CNTLN: variants seen among roughly 807,000 people sequenced by gnomAD.
CNTLN encodes the protein centlein, also known as centlein, centrosomal protein.
CNTLN carries 212 observed loss-of-function variants against 180.0 expected under a neutral mutation model. The ratio of observed to expected loss-of-function variants is 1.18; its 90% CI spans 1.05 to 1.32. The LOEUF (loss-of-function observed/expected upper bound fraction) is 1.32, where lower values mean the gene tolerates loss of function less well. Among genes scored for constraint, CNTLN ranks in the 40% most tolerant of loss-of-function variants. CNTLN has a pLI of 0.00. For synonymous variants in CNTLN, 722 were observed against 563.1 expected (o/e 1.28, Z -3.99); for missense variants, 2,095 against 1,610.9 (o/e 1.30, Z -5.14).
At chr9:17,184,059 A>G (rs77971874) in intron 2 of CNTLN, among the ~76,000 whole-genome samples, 3,214 of 152,224 alleles carry the variant, frequency 0.021, 113 homozygotes, top group African/African-American at 0.073. Flanking sequence ...TTATGATAGC[A>G]TATGAGAAGC....
intron 16 of CNTLN, among the ~76,000 whole-genome samples, chr9:17,415,326 T>A (rs1828144183): frequency 6.6e-6 from 1 of 152,148 alleles, no homozygotes; most frequent in Non-Finnish European, 1.5e-5. Flanking sequence ...AATAGAGTAT[T>A]TGAGAAAAGG....
At chr9:17,498,640 C>G (rs1833582725) in intron 25 of CNTLN, among the ~76,000 whole-genome samples, 1 of 152,186 alleles carries the variant, frequency 6.6e-6, no homozygotes, top group Non-Finnish European at 1.5e-5. Context: ...CCATTTTTCT[C>G]TTTATGCTAA....
chr9:17,294,017 A>G (rs1268271360), intron 6 of CNTLN, among the ~76,000 whole-genome samples: 1 of 152,132 alleles, frequency 6.6e-6, no homozygotes, highest in Non-Finnish European at 1.5e-5. Context: ...TGAGTGTTAC[A>G]GTTCTTAAAA....
At chr9:17,246,238 T>C (rs931112869) in intron 5 of CNTLN, among the ~76,000 whole-genome samples, 1 of 152,150 alleles carries the variant, frequency 6.6e-6, no homozygotes, top group Admixed American at 6.6e-5. Context: ...CTTTGGTCAT[T>C]GTAGCCTTAT....
chr9:17,492,247 T>G (rs1485585588), intron 25 of CNTLN, among the ~76,000 whole-genome samples: 1 of 151,848 alleles, frequency 6.6e-6, no homozygotes, highest in Non-Finnish European at 1.5e-5. Context: ...ACAATATCAG[T>G]TTTTTCTTGT....
intron 12 of CNTLN, among the ~76,000 whole-genome samples, chr9:17,346,930 C>G (rs1393014177): frequency 6.6e-6 from 1 of 152,144 alleles, no homozygotes; most frequent in Non-Finnish European, 1.5e-5. Context: ...CTAATTTTGT[C>G]TCTGTTATTC....
At chr9:17,192,435 C>G (rs561738031) in intron 2 of CNTLN, among the ~76,000 whole-genome samples, 11 of 152,052 alleles carry the variant, frequency 7.2e-5, no homozygotes, top group Admixed American at 2.0e-4. Flanking sequence ...GATGGGGTTT[C>G]ACCACATTGG....
At chr9:17,354,129 G>A (rs1388190891) in intron 12 of CNTLN, among the ~76,000 whole-genome samples, 9 of 152,206 alleles carry the variant, frequency 5.9e-5, no homozygotes, top group Non-Finnish European at 8.8e-5. Context: ...CCAGCCCACC[G>A]GCGCTGCGCT....
At chr9:17,260,705 A>T (rs1205173295) in intron 5 of CNTLN, among the ~76,000 whole-genome samples, 1 of 151,314 alleles carries the variant, frequency 6.6e-6, no homozygotes, top group African/African-American at 2.5e-5. Context: ...ATTAGATCCC[A>T]TTTGTCAATT....
chr9:17,257,279 A>G (rs543232112), intron 5 of CNTLN, among the ~76,000 whole-genome samples: 36 of 152,178 alleles, frequency 2.4e-4, no homozygotes, highest in African/African-American at 8.4e-4. Flanking sequence ...TTCCAATGTC[A>G]TCCATGTCCC....
chr9:17,456,586 G>A lies in CNTLN; in HGVS notation c.3115-938G>A, dbSNP rs73414444. 8.1e-3 allele frequency among the ~76,000 whole-genome samples: 1,225 copies of A among 152,064 alleles called. 13 individuals are homozygous for A. The highest frequency in any genetic ancestry group is 0.027 in the African/African-American group (1,141 of 41,506). ...TAACATGTTTCATGTTTATCTTACT[G>A]TACACTTTAGCTACATCTTTTGCTA... On this transcript the variant is annotated intron_variant, in intron 18 of 25. Transcript: ENST00000380647.
intron 7 of CNTLN, among the ~76,000 whole-genome samples, chr9:17,306,828 A>G (rs1015461448): frequency 6.6e-6 from 1 of 152,152 alleles, no homozygotes; most frequent in Non-Finnish European, 1.5e-5. Flanking sequence ...AGTGTAAATA[A>G]TGCACCCGAG....
Position 17,180,232 on chromosome 9 carries a change from T to C in CNTLN, c.449+36856T>C, listed in dbSNP as rs562991579. Among the ~76,000 whole-genome samples, 25 of 149,752 alleles carry C rather than the reference T, an allele frequency of 1.7e-4. No individual in the cohort carries two copies. The South Asian group carries it at 5.2e-3, about 31-fold the overall frequency. ...TTTTCTGTTTGCTATCTCTGTTTTT[T>C]TTTTTTTCCTGCCTTCCTGTTGGCT... is the stretch of plus-strand genomic sequence containing the variant. On this transcript the variant is annotated intron_variant, in intron 2 of 25. Coordinates refer to ENST00000380647, the MANE Select transcript of CNTLN (RefSeq NM_017738.4).
intron 16 of CNTLN, among the ~76,000 whole-genome samples, chr9:17,412,675 G>T (rs539790029): frequency 5.9e-5 from 9 of 152,240 alleles, no homozygotes; most frequent in African/African-American, 1.9e-4. Flanking sequence ...GAGTAGGCTA[G>T]GCTAAGCTAT....
At chr9:17,304,977 C>G (rs571563320) in intron 7 of CNTLN, among the ~76,000 whole-genome samples, 2 of 152,162 alleles carry the variant, frequency 1.3e-5, no homozygotes, top group Non-Finnish European at 2.9e-5. Flanking sequence ...AGTATATTTA[C>G]TAGATTTGGA....
rs2134435008 is a variant in CNTLN, at chr9:17,503,156, T to A, written c.*504T>A. The A allele has an allele frequency of 6.6e-6, 1 of 152,454 alleles. No individual in the cohort carries two copies. Among genetic ancestry groups the A allele is most frequent in the African/African-American group, 2.4e-5 (1 of 41,590 alleles). 9.4% of individuals were successfully genotyped at this position (152,454 alleles called of 1,614,324 possible). A position where few individuals can be genotyped will look rare whatever the true frequency, so the allele number is the denominator to read the frequency against. ...ATTGAAATAAATTGTGTGGTCCAAT[T>A]GAATCTGTTCTCATTGATGTGCTGG... On this transcript the variant is annotated 3_prime_UTR_variant, in exon 26 of 26. Coordinates refer to ENST00000380647, the MANE Select transcript of CNTLN (RefSeq NM_017738.4).
At chr9:17,253,416 T>G (rs933949568) in intron 5 of CNTLN, among the ~76,000 whole-genome samples, 10 of 151,742 alleles carry the variant, frequency 6.6e-5, no homozygotes, top group Non-Finnish European at 1.5e-4. Context: ...GTTTTTCTTG[T>G]TTGTGTCCTC....
chr9:17,516,278 C>T, the CNTLN span, among the ~76,000 whole-genome samples: 1 of 152,332 alleles, frequency 6.6e-6, no homozygotes, highest in East Asian at 1.9e-4. Context: ...TCACCCATCT[C>T]TTCTATAGAC....
intron 16 of CNTLN, 102 bp from the exon 17 acceptor site, chr9:17,415,686 A>G (rs1337615440): frequency 8.5e-6 from 7 of 820,556 alleles, no homozygotes; most frequent in African/African-American, 1.7e-5. Context: ...AAAATTCTGC[A>G]TAAACAATTG....
Sources: gnomAD v4.1 joint callset for allele counts (sites outside exome capture counted in the v4.1 genomes callset) on GRCh38, gnomAD v4.1.1 for gene constraint, MANE v1.5 for transcripts, NCBI Gene and HGNC (gene_info 2026-07-23, HGNC 2026-07-21) for gene names.